GCFC2: variants seen among roughly 807,000 people sequenced by gnomAD.
The protein encoded by GCFC2 is intron Large complex component GCFC2.
A neutral mutation model predicts 99.4 loss-of-function variants in GCFC2; 102 were observed. That is an observed-to-expected ratio of 1.03 (90% confidence interval 0.87 to 1.21). GCFC2 has a LOEUF of 1.21. Ranked by LOEUF, GCFC2 falls within the 50% of genes most tolerant of loss-of-function variation. GCFC2 has a pLI of 0.00. For synonymous variants in GCFC2, 338 were observed against 316.8 expected (o/e 1.07, Z -0.71); for missense variants, 973 against 920.9 (o/e 1.06, Z -0.73).
At chr2:75,707,029 T>C (rs1680903314) in intron 1 of GCFC2, among the ~76,000 whole-genome samples, 1 of 152,198 alleles carries the variant, frequency 6.6e-6, no homozygotes, top group African/African-American at 2.4e-5. Flanking sequence ...TGAAACCTGT[T>C]TTACATGACT....
chr2:75,687,495 G>T (rs560399404), intron 11 of GCFC2, among the ~76,000 whole-genome samples: 34 of 152,264 alleles, frequency 2.2e-4, no homozygotes, highest in African/African-American at 7.5e-4. Flanking sequence ...AAAGACCAGA[G>T]AGGTGGGCAG....
chr2:75,710,551 G>A, intron 1 of GCFC2, 40 bp downstream of exon 1: 2 of 1,466,952 alleles, frequency 1.4e-6, no homozygotes, highest in Non-Finnish European at 1.8e-6. Context: ...TTCCCGCCCT[G>A]TGCCGTCACC....
chr2:75,672,112 A>G (rs528750764), intron 13 of GCFC2, 96 bp from the exon 14 acceptor site: 1 of 448,002 alleles, frequency 2.2e-6, no homozygotes, highest in Non-Finnish European at 4.3e-6. Flanking sequence ...AAACCAACCA[A>G]ACTAAGCCTT....
At chr2:75,684,416 G>A (rs1421181193) in intron 11 of GCFC2, among the ~76,000 whole-genome samples, 1 of 152,192 alleles carries the variant, frequency 6.6e-6, no homozygotes, top group Non-Finnish European at 1.5e-5. Context: ...AAGTAAAGAT[G>A]TTCTTTGAAA....
At chr2:75,700,811 T>C (rs1319114015) in intron 4 of GCFC2, among the ~76,000 whole-genome samples, 1 of 152,210 alleles carries the variant, frequency 6.6e-6, no homozygotes, top group Non-Finnish European at 1.5e-5. Flanking sequence ...AAAAAGAGTC[T>C]TTGTGGTTGT....
chr2:75,697,198 A>G (rs1305995325), intron 4 of GCFC2, among the ~76,000 whole-genome samples: 2 of 152,230 alleles, frequency 1.3e-5, no homozygotes, highest in Non-Finnish European at 2.9e-5. Context: ...CAGCTCCTCC[A>G]TGCTTGGAAT....
At chr2:75,674,002 T>G (rs890211905) in intron 12 of GCFC2, among the ~76,000 whole-genome samples, 4 of 152,252 alleles carry the variant, frequency 2.6e-5, no homozygotes, top group African/African-American at 9.6e-5. Flanking sequence ...ATACTTACGA[T>G]AATTGGCATT....
rs1558752183 is a variant in GCFC2 at position 75,702,257 on chromosome 2, C to T, written c.561G>A (p.Lys187=). ...GAGGTCTTAGAGTAAATGGTATTCT[C>T]TTTTCATGGTCATCAGGCTCACTCT... ...DPESEPDDHE[K]RIPFTLRPQT... is the part of the protein sequence containing the mutation. Residue 187 remains lysine (K), a synonymous_variant, in exon 3 of 17, where the codon AAG becomes AAA. Transcript: ENST00000321027. The T allele has an allele frequency of 6.2e-7, 1 of 1,612,906 alleles. No homozygotes were observed. The highest frequency in any genetic ancestry group is 8.5e-7 in the Non-Finnish European group (1 of 1,178,850).
chr2:75,707,349 C>T (rs1054393127), intron 1 of GCFC2, among the ~76,000 whole-genome samples: 9 of 152,114 alleles, frequency 5.9e-5, no homozygotes, highest in Non-Finnish European at 1.3e-4. Context: ...ATAAAACCCA[C>T]AGGGGTGTTG....
chr2:75,709,578 A>G (rs1253822386), intron 1 of GCFC2, among the ~76,000 whole-genome samples: 2 of 152,190 alleles, frequency 1.3e-5, no homozygotes, highest in Non-Finnish European at 2.9e-5. Context: ...AGTTGGGAAG[A>G]TACTGGTCAA....
At chr2:75,681,385 A>G (rs1679569411) in intron 11 of GCFC2, among the ~76,000 whole-genome samples, 1 of 151,990 alleles carries the variant, frequency 6.6e-6, no homozygotes, top group Non-Finnish European at 1.5e-5. Context: ...CAGGAGGAAC[A>G]GTGCACTCCA....
At chr2:75,693,441 C>G (rs988252783) in intron 6 of GCFC2, among the ~76,000 whole-genome samples, 5 of 151,818 alleles carry the variant, frequency 3.3e-5, no homozygotes, top group Non-Finnish European at 7.4e-5. Flanking sequence ...CTCTGTCCCC[C>G]TCACTAGAAA....
chr2:75,694,287 CT>C lies in GCFC2; in HGVS notation c.973del (p.Ser325AlafsTer2). On this transcript the variant is annotated frameshift_variant, in exon 6 of 17. Transcript: ENST00000321027. LOFTEE classifies it high-confidence loss of function. ...TAAATTTTCCACATAAATTTTCATG[CT>C]TTTATAGAATTTACAATTTAGAGCT... ...NQALNCKFYK[S>X]MKIYVENLID... 1 of 1,194,000 alleles carries C rather than the reference CT, an allele frequency of 8.4e-7. No individual in the cohort carries two copies. Among genetic ancestry groups the C allele is most frequent in the Non-Finnish European group, 1.2e-6 (1 of 820,610 alleles). The allele number at this position is 1,194,000 out of a possible 1,614,324, so 74.0% of individuals were successfully genotyped here. A position where few individuals can be genotyped will look rare whatever the true frequency, so the allele number is the denominator to read the frequency against.
chr2:75,685,109 G>C (rs1679753956), intron 11 of GCFC2, among the ~76,000 whole-genome samples: 1 of 152,142 alleles, frequency 6.6e-6, no homozygotes, highest in South Asian at 2.1e-4. Context: ...ACCTAATGTA[G>C]ATGACAAGTT....
chr2:75,681,015 G>A (rs537334530), intron 11 of GCFC2, among the ~76,000 whole-genome samples: 1 of 152,180 alleles, frequency 6.6e-6, no homozygotes, highest in African/African-American at 2.4e-5. Context: ...CTAAGATCCT[G>A]TTCCCAGAAC....
At chr2:75,690,894 C>G in intron 7 of GCFC2, 175 bp from the exon 8 acceptor site, 1 of 497,200 alleles carries the variant, frequency 2.0e-6, no homozygotes, top group East Asian at 3.6e-5. Flanking sequence ...CTCTTTATTG[C>G]AATATTAACA....
chr2:75,679,715 T>C (rs1679485834), intron 12 of GCFC2: 2 of 398,492 alleles, frequency 5.0e-6, no homozygotes, highest in Non-Finnish European at 8.8e-6. Flanking sequence ...TGAGTATTGT[T>C]GTCTTCCTTT....
Position 75,671,963 on chromosome 2 carries a change from C to G in GCFC2, c.1943G>C (p.Trp648Ser). 1 of 1,583,058 alleles carries G rather than the reference C, an allele frequency of 6.3e-7. No individual in the cohort carries two copies. The change falls in exon 14 of 17, where the codon TGG becomes TCG. Residue 648 changes from tryptophan (W) to serine (S), a missense_variant. By Grantham distance (177) the Trp-to-Ser change is radical (BLOSUM62 -3). Coordinates refer to ENST00000321027, the MANE Select transcript of GCFC2 (RefSeq NM_003203.5). ...PHSKFQERQF[W>S]SGLKLFRNIL... ...GTTTTTGCTCACCTTTAGGCCTGAC[C>G]AGAACTGTCTTTCTTGGAACTTTGA...
chr2:75,706,927 A>G (rs7591052), intron 1 of GCFC2, among the ~76,000 whole-genome samples: 9,581 of 152,278 alleles, frequency 0.063, 985 homozygotes, highest in African/African-American at 0.22. Context: ...AGAAAAAAAA[A>G]GCGACAAAAA....
Sources: allele counts gnomAD v4.1 joint callset (sites outside exome capture counted in the v4.1 genomes callset), GRCh38; gene constraint gnomAD v4.1.1; transcripts MANE v1.5; gene names NCBI Gene and HGNC (gene_info 2026-07-23, HGNC 2026-07-21).